ZNF839: variants seen among roughly 807,000 people sequenced by gnomAD.
ZNF839 encodes the protein renal carcinoma antigen NY-REN-50.
A neutral mutation model predicts 56.4 loss-of-function variants in ZNF839; 38 were observed. That is an observed-to-expected ratio of 0.67 (90% CI 0.52 to 0.88). The LOEUF is 0.88. Among genes scored for constraint, ZNF839 ranks in the 40% least tolerant of loss-of-function variants. The pLI is 0.00. For synonymous variants in ZNF839, 486 were observed against 493.5 expected (o/e 0.98, Z 0.20); for missense variants, 1,091 against 1,177.6 (o/e 0.93, Z 1.08).
rs1282851421 is a variant in ZNF839, at chr14:102,338,673, CATT to C, written c.1660-142_1660-140del. On this transcript the variant is annotated intron_variant, in intron 5 of 7. Transcript: ENST00000442396. ...ACATTATATTGATCTTCATCTTTCT[CATT>C]GTTGAGATGGCATCTCACAGTAGGT... is the stretch of plus-strand genomic sequence containing the variant. 12 of 1,081,808 alleles carry C rather than the reference CATT, an allele frequency of 1.1e-5. No individual in the cohort carries two copies. In the African/African-American group the frequency reaches 1.3e-4, roughly 12 times the overall value. The allele number at this position is 1,081,808 out of a possible 1,614,324, so 67.0% of individuals were successfully genotyped here. A position where few individuals can be genotyped will look rare whatever the true frequency, so the allele number is the denominator to read the frequency against.
At chr14:102,333,223 C>G (rs72698585) in intron 3 of ZNF839, among the ~76,000 whole-genome samples, 6,223 of 151,040 alleles carry the variant, frequency 0.041, 243 homozygotes, top group African/African-American at 0.088. Flanking sequence ...CCCTTTGCAG[C>G]TCCTACTCAA....
chr14:102,320,168 G>C, intron 1 of ZNF839, 115 bp downstream of exon 1: 8 of 1,042,038 alleles, frequency 7.7e-6, no homozygotes, highest in Non-Finnish European at 9.2e-6. Context: ...GACTCAGGGC[G>C]TCCCCAGGCT....
intron 3 of ZNF839, among the ~76,000 whole-genome samples, chr14:102,333,973 TCCCTC>T (rs1284186863): frequency 1.3e-5 from 2 of 152,042 alleles, no homozygotes; most frequent in Non-Finnish European, 2.9e-5. Flanking sequence ...TCCCCTCATC[TCCCTC>T]CCCTGCCACC....
Position 102,319,929 on chromosome 14 carries a change from CG to C in ZNF839, c.165del (p.Pro56ArgfsTer43). ...CAGGTGACGAAGGCGCAGCCGCCGC[CG>C]CCGCCGCCCCCCTTCGTGCTGCGGG... ...LEQVTKAQPP[P>X]PPPPFVLRDA... On this transcript the variant is annotated frameshift_variant, in exon 1 of 8. Coordinates refer to ENST00000442396, the MANE Select transcript of ZNF839 (RefSeq NM_018335.6). LOFTEE classifies it high-confidence loss of function. The surrounding 1 kb of genome is among the most constrained non-coding windows in gnomAD (Gnocchi z 4.5). 8.3e-7 allele frequency: 1 copy of C among 1,210,008 alleles called. No homozygotes were observed. The highest frequency in any genetic ancestry group is 2.6e-5 in the South Asian group (1 of 38,162). The allele number at this position is 1,210,008 out of a possible 1,614,324, so 75.0% of individuals were successfully genotyped here.
At chr14:102,336,590 C>T (rs545348130) in intron 5 of ZNF839, 56 of 422,226 alleles carry the variant, frequency 1.3e-4, no homozygotes, top group African/African-American at 4.8e-4. Context: ...CCACCACATC[C>T]GGTCCCCAGT....
chr14:102,320,370 G>A (rs1484668897), intron 1 of ZNF839, among the ~76,000 whole-genome samples: 2 of 152,166 alleles, frequency 1.3e-5, no homozygotes, highest in African/African-American at 4.8e-5. Context: ...TTTCACCGCT[G>A]GTTCAGCCTT....
chr14:102,335,474 T>C, intron 4 of ZNF839: 1 of 523,546 alleles, frequency 1.9e-6, no homozygotes, highest in South Asian at 2.3e-5. Context: ...CACCCAGGGC[T>C]TGTTTGTTTC....
rs2073784895 is a variant in ZNF839, at chr14:102,331,618, C to T, written c.1192-4C>T. 6.2e-7 allele frequency: 1 copy of T among 1,607,234 alleles called. No individual in the cohort carries two copies. The highest frequency in any genetic ancestry group is 1.1e-5 in the South Asian group (1 of 89,774). ...TTTACTTTTGGGTGTGCAACACTGT[C>T]TAGAATGGTCAGTCTGTAGACGTTG... On this transcript the variant is annotated splice_polypyrimidine_tract_variant and splice_region_variant and intron_variant, in intron 2 of 7. Coordinates refer to ENST00000442396, the MANE Select transcript of ZNF839 (RefSeq NM_018335.6).
chr14:102,338,935 C>T lies in ZNF839; in HGVS notation c.1779C>T (p.Ser593=), dbSNP rs371253844. 5.5e-5 allele frequency: 89 copies of T among 1,613,794 alleles called. No homozygotes were observed. In the African/African-American group the frequency reaches 1.1e-3, roughly 19 times the overall value. ...MDGEQLEGAS[S]EKREREAAEE... is the part of the protein sequence containing the mutation. Reference sequence around the variant, plus strand: ...GGGAGCAGCTAGAGGGAGCTAGCAGCGAGAAGAGGGAACGTGAGGTGGGCA... The same window carrying T: ...GGGAGCAGCTAGAGGGAGCTAGCAGTGAGAAGAGGGAACGTGAGGTGGGCA... The change falls in exon 6 of 8, where the codon AGC becomes AGT. Residue 593 remains serine, a synonymous_variant. Coordinates refer to ENST00000442396, the MANE Select transcript of ZNF839 (RefSeq NM_018335.6).
intron 1 of ZNF839, among the ~76,000 whole-genome samples, chr14:102,322,780 G>T (rs912457595): frequency 6.6e-6 from 1 of 152,146 alleles, no homozygotes; most frequent in Non-Finnish European, 1.5e-5. Context: ...ACCCAGGCTG[G>T]CCCTGAACTC....
chr14:102,334,406 AG>A, intron 3 of ZNF839, 147 bp from the exon 4 acceptor site: 1 of 623,350 alleles, frequency 1.6e-6, no homozygotes, highest in East Asian at 3.0e-5. Flanking sequence ...CAGGTGAAAT[AG>A]TTAATAAAGC....
chr14:102,319,880 G>A lies in ZNF839; in HGVS notation c.115G>A (p.Glu39Lys), dbSNP rs1385438704. Residue 39 changes from glutamate to lysine, a missense_variant, in exon 1 of 8, where the codon GAG becomes AAG. Transcript: ENST00000442396. The surrounding 1 kb of genome is among the most constrained non-coding windows in gnomAD (Gnocchi z 4.5). Reference sequence around the variant, plus strand: ...CGCACGTGTGGCCCCGCTGGGCCCCGAGCAGCTGCGGCAGGTCCTGGAGCA... The same window carrying A: ...CGCACGTGTGGCCCCGCTGGGCCCCAAGCAGCTGCGGCAGGTCCTGGAGCA... ...SVARVAPLGPEQLRQVLEQVT... is the reference protein window; with the variant it reads ...SVARVAPLGPKQLRQVLEQVT... The A allele has an allele frequency of 7.8e-6, 10 of 1,288,516 alleles. No individual in the cohort carries two copies. The highest frequency in any genetic ancestry group is 9.9e-6 in the Non-Finnish European group (10 of 1,014,438). The allele number at this position is 1,288,516 out of a possible 1,614,324, so 79.8% of individuals were successfully genotyped here.
rs1426161735 is a variant in ZNF839, at chr14:102,326,510, C to T, written c.814C>T (p.Leu272=). 6.2e-7 allele frequency: 1 copy of T among 1,614,034 alleles called. No individual in the cohort carries two copies. The highest frequency in any genetic ancestry group is 8.5e-7 in the Non-Finnish European group (1 of 1,179,906). Residue 272 remains leucine, a synonymous_variant, in exon 2 of 8, where the codon CTG becomes TTG. Coordinates refer to ENST00000442396, the MANE Select transcript of ZNF839 (RefSeq NM_018335.6). This position sits in a 1 kb window ranked among gnomAD's most constrained non-coding sequence, Gnocchi z 4.3. The stretch of plus-strand genomic sequence containing the variant: ...TTATAAGTTCATAAAAACAGAGGAT[C>T]TGGCGGATGGTCATCTGTCAGATTC... The part of the protein sequence containing the change: ...KDYKFIKTED[L]ADGHLSDSDD...
At chr14:102,330,474 T>G (rs1051241825) in intron 2 of ZNF839, among the ~76,000 whole-genome samples, 4 of 151,862 alleles carry the variant, frequency 2.6e-5, no homozygotes, top group Non-Finnish European at 4.4e-5. Context: ...CCTCAGGCAA[T>G]CCACCTGCCT....
intron 2 of ZNF839, among the ~76,000 whole-genome samples, chr14:102,329,372 A>G (rs1265821760): frequency 1.3e-5 from 2 of 151,844 alleles, no homozygotes; most frequent in East Asian, 3.9e-4. Context: ...TTAGAAATGC[A>G]GCTGATTTTG....
At chr14:102,333,362 G>C (rs1028713922) in intron 3 of ZNF839, among the ~76,000 whole-genome samples, 12 of 144,626 alleles carry the variant, frequency 8.3e-5, no homozygotes, top group Non-Finnish European at 1.8e-4. Context: ...AGGCTCAATT[G>C]ATCTTCCTGC....
In ZNF839 at chr14:102,319,920, A is replaced by AGCCGCCGCC. The variant is rs761136954; in HGVS notation, c.165_173dup (p.Pro57_Pro59dup). On this transcript the variant is annotated inframe_insertion, in exon 1 of 8. Transcript: ENST00000442396. The surrounding 1 kb of genome is among the most constrained non-coding windows in gnomAD (Gnocchi z 4.5). ...GTCCTGGAGCAGGTGACGAAGGCGC[A>AGCCGCCGCC]GCCGCCGCCGCCGCCGCCCCCCTTC... 4.6e-5 allele frequency: 52 copies of AGCCGCCGCC among 1,122,258 alleles called. No individual in the cohort carries two copies. The highest frequency in any genetic ancestry group is 8.5e-5 in the African/African-American group (5 of 58,652). The allele number at this position is 1,122,258 out of a possible 1,614,324, so 69.5% of individuals were successfully genotyped here.
Position 102,326,653 on chromosome 14 carries a change from A to G in ZNF839, c.957A>G (p.Glu319=). The G allele has an allele frequency of 6.2e-7, 1 of 1,613,074 alleles. No homozygotes were observed. Among genetic ancestry groups the G allele is most frequent in the Non-Finnish European group, 8.5e-7 (1 of 1,179,558 alleles). Residue 319 remains glutamate (E), a synonymous_variant, in exon 2 of 8, where the codon GAA becomes GAG. Transcript: ENST00000442396. The surrounding 1 kb of genome is among the most constrained non-coding windows in gnomAD (Gnocchi z 4.3). Reference sequence around the variant, plus strand: ...AAAGCTTTAAGTGTCAGACTTGTGAAAAGTCATATATAGGGAAGGGGGGAC... The same window carrying G: ...AAAGCTTTAAGTGTCAGACTTGTGAGAAGTCATATATAGGGAAGGGGGGAC... ...RPKSFKCQTC[E]KSYIGKGGLA...
chr14:102,340,134 G>A (rs984618746), intron 7 of ZNF839, among the ~76,000 whole-genome samples: 5 of 151,582 alleles, frequency 3.3e-5, no homozygotes, highest in East Asian at 2.0e-4. Context: ...CATCATGCCC[G>A]GCTAATTTTT....
Sources: allele counts gnomAD v4.1 joint callset (sites outside exome capture counted in the v4.1 genomes callset), GRCh38; gene constraint gnomAD v4.1.1; non-coding constraint Gnocchi (gnomAD v3.1); transcripts MANE v1.5; gene names NCBI Gene and HGNC (gene_info 2026-07-23, HGNC 2026-07-21).